The following RFX3 variants were observed in gnomAD, a reference collection of about 807,000 sequenced individuals.
RFX3 encodes regulatory factor X3.
Under a neutral mutation model 98.6 loss-of-function variants are expected in RFX3, and 14 were observed. The ratio of observed to expected loss-of-function variants is 0.14; its 90% CI spans 0.09 to 0.22. The LOEUF is 0.22. Ranked by LOEUF, RFX3 falls within the 10% of genes least tolerant of loss-of-function variation. The pLI is 1.00. For missense variants in RFX3, 639 were observed against 926.9 expected, an observed-to-expected ratio of 0.69 and a Z score of 4.03; for synonymous variants, 383 against 328.4, an observed-to-expected ratio of 1.17 and a Z score of -1.80.
chr9:3,365,906 G>A (rs1489594892), intron 2 of RFX3, among the ~76,000 whole-genome samples: 1 of 151,652 alleles, frequency 6.6e-6, no homozygotes, highest in Non-Finnish European at 1.5e-5. Context: ...TAACTCCAAA[G>A]TTACCTCTCT....
chr9:3,271,534 TC>T (rs1824451369), intron 9 of RFX3, among the ~76,000 whole-genome samples: 2 of 9,920 alleles, frequency 2.0e-4, no homozygotes, highest in Non-Finnish European at 7.4e-4. Context: ...TCTTTCTTTC[TC>T]TCTTTCTCTT....
In RFX3 at chr9:3,433,073, G is replaced by A. The variant is rs183241077; in HGVS notation, c.-8-37477C>T. ...TCCTGAAGTCAGCCCTGCAGAAGCC[G>A]AGTATACAAAAAGGCGGCCCCATAC... On this transcript the variant is annotated intron_variant, in intron 1 of 16. Transcript: ENST00000617270. 9.2e-5 allele frequency among the ~76,000 whole-genome samples: 14 copies of A among 152,132 alleles called. No individual in the cohort carries two copies. In the East Asian group the frequency reaches 1.9e-3, roughly 21 times the overall value.
intron 1 of RFX3, among the ~76,000 whole-genome samples, chr9:3,397,011 A>T (rs1444761935): frequency 1.3e-5 from 2 of 152,244 alleles, no homozygotes; most frequent in African/African-American, 4.8e-5. Context: ...TTATAGTCTT[A>T]TACAAAGATA....
intron 14 of RFX3, among the ~76,000 whole-genome samples, chr9:3,249,010 T>C (rs1309834035): frequency 6.6e-6 from 1 of 152,096 alleles, no homozygotes; most frequent in African/African-American, 2.4e-5. Context: ...AAAATAGTCA[T>C]AATTTAGAAT....
chr9:3,382,558 T>C (rs1839305502), intron 2 of RFX3, among the ~76,000 whole-genome samples: 1 of 152,132 alleles, frequency 6.6e-6, no homozygotes, highest in African/African-American at 2.4e-5. Flanking sequence ...TAGTACCTGA[T>C]TTCTAATTTT....
rs539933377 is a variant in RFX3 at position 3,373,416 on chromosome 9, T to C, written c.117+22056A>G. Reference sequence around the variant, plus strand: ...AATTCACACTCCCACCCAGAAAAAATTATTAGAGATCTTTAAAGATTTCTT... The same window carrying C: ...AATTCACACTCCCACCCAGAAAAAACTATTAGAGATCTTTAAAGATTTCTT... On this transcript the variant is annotated intron_variant, in intron 2 of 16. Coordinates refer to ENST00000617270, the MANE Select transcript of RFX3 (RefSeq NM_001282116.2). Among the ~76,000 whole-genome samples, 3 of 152,222 alleles carry C rather than the reference T, an allele frequency of 2.0e-5. No individual in the cohort carries two copies. In the South Asian group the frequency reaches 6.2e-4, roughly 32 times the overall value.
intron 1 of RFX3, among the ~76,000 whole-genome samples, chr9:3,449,576 T>G (rs563552505): frequency 6.6e-6 from 1 of 152,240 alleles, no homozygotes; most frequent in African/African-American, 2.4e-5. Context: ...ATACGGAAAA[T>G]TGGCCAGGCA....
intron 1 of RFX3, among the ~76,000 whole-genome samples, chr9:3,515,726 G>C (rs1389400976): frequency 6.6e-6 from 1 of 152,186 alleles, no homozygotes; most frequent in African/African-American, 2.4e-5. Flanking sequence ...TGCTGACTGA[G>C]ACTGAAGGGG....
intron 4 of RFX3, among the ~76,000 whole-genome samples, chr9:3,318,121 C>A (rs573823352): frequency 1.3e-5 from 2 of 152,260 alleles, no homozygotes; most frequent in South Asian, 4.1e-4. Context: ...TGGAACCAAC[C>A]CAAATGTCCA....
At chr9:3,499,999 C>T (rs1815802369) in intron 1 of RFX3, among the ~76,000 whole-genome samples, 1 of 152,080 alleles carries the variant, frequency 6.6e-6, no homozygotes, top group Non-Finnish European at 1.5e-5. Context: ...GTTATCTGTC[C>T]TTCAATGGTT....
intron 2 of RFX3, chr9:3,364,930 G>A (rs1203944958): frequency 2.0e-5 from 3 of 152,154 alleles, no homozygotes; most frequent in Admixed American, 1.3e-4. Context: ...GTCAAGAGAT[G>A]CTGGCTTTTC....
At chr9:3,230,949 G>A (rs1347221758) in intron 15 of RFX3, among the ~76,000 whole-genome samples, 1 of 152,146 alleles carries the variant, frequency 6.6e-6, no homozygotes, top group Non-Finnish European at 1.5e-5. Flanking sequence ...CCGAAAACAT[G>A]ACAACTTCCT....
intron 1 of RFX3, among the ~76,000 whole-genome samples, chr9:3,503,093 A>G (rs1470363827): frequency 1.3e-5 from 2 of 152,192 alleles, no homozygotes; most frequent in East Asian, 3.8e-4. Context: ...AAGTGGAGAT[A>G]CTAAATTTTG....
chr9:3,351,997 G>C (rs1835195606), intron 2 of RFX3, among the ~76,000 whole-genome samples: 1 of 151,772 alleles, frequency 6.6e-6, no homozygotes, highest in Non-Finnish European at 1.5e-5. Context: ...TAATTTATAA[G>C]AAAAAGGAAA....
At chr9:3,264,614 A>T (rs1365663443) in intron 12 of RFX3, among the ~76,000 whole-genome samples, 1 of 152,208 alleles carries the variant, frequency 6.6e-6, no homozygotes, top group Non-Finnish European at 1.5e-5. Context: ...TTAGACACAT[A>T]TTATGATTTA....
At chr9:3,394,862 C>A in intron 2 of RFX3, 2 of 984,966 alleles carry the variant, frequency 2.0e-6, no homozygotes, top group African/African-American at 1.7e-5. Context: ...AGTATCTTTC[C>A]AAACAAGCCA....
chr9:3,421,345 G>A (rs1159729288), intron 1 of RFX3, among the ~76,000 whole-genome samples: 1 of 152,138 alleles, frequency 6.6e-6, no homozygotes, highest in Non-Finnish European at 1.5e-5. Flanking sequence ...CTGTTAGGCA[G>A]CATTACTTGT....
At chr9:3,288,046 C>T (rs1826867759) in intron 7 of RFX3, 85 bp downstream of exon 7, 1 of 1,246,314 alleles carries the variant, frequency 8.0e-7, no homozygotes, top group Non-Finnish European at 1.1e-6. Flanking sequence ...TTCTTTTATA[C>T]TTAGGTATTT....
intron 1 of RFX3, among the ~76,000 whole-genome samples, chr9:3,523,624 C>T (rs1377788083): frequency 6.6e-6 from 1 of 152,106 alleles, no homozygotes; most frequent in African/African-American, 2.4e-5. Context: ...ATATAATTTA[C>T]TTAACTGAAA....
Sources: allele counts gnomAD v4.1 joint callset (sites outside exome capture counted in the v4.1 genomes callset), GRCh38; gene constraint gnomAD v4.1.1; transcripts MANE v1.5; gene names NCBI Gene and HGNC (gene_info 2026-07-23, HGNC 2026-07-21).